Variants in ZNF704 observed in about 807,000 individuals in gnomAD.
The protein encoded by ZNF704 is glucocorticoid induced gene 1.
Under a neutral mutation model 44.7 loss-of-function variants are expected in ZNF704, and 10 were observed. That is an observed-to-expected ratio of 0.22 (90% CI 0.14 to 0.38). ZNF704 has a LOEUF of 0.38. Ranked by LOEUF, ZNF704 falls within the 10% of genes least tolerant of loss-of-function variation. The probability of loss-of-function intolerance (pLI) is 1.00; values close to 1 mark genes in which losing one functional copy is unlikely to be tolerated. For synonymous variants in ZNF704, 211 were observed against 207.6 expected (o/e 1.02, Z -0.14); for missense variants, 390 against 545.5 (o/e 0.71, Z 2.84).
At chr8:80,645,239 A>G (rs1817811223) in intron 7 of ZNF704, 1 of 1,435,288 alleles carries the variant, frequency 7.0e-7, no homozygotes, top group Non-Finnish European at 9.6e-7. Flanking sequence ...GTTTCAACTA[A>G]TTAATCAGTA....
intron 2 of ZNF704, among the ~76,000 whole-genome samples, chr8:80,795,225 G>A (rs1375264387): frequency 6.6e-6 from 1 of 152,176 alleles, no homozygotes; most frequent in East Asian, 1.9e-4. Flanking sequence ...TTGGGTTTCT[G>A]AATGGAACCT....
intron 2 of ZNF704, among the ~76,000 whole-genome samples, chr8:80,753,405 T>C (rs1197221681): frequency 6.6e-6 from 1 of 152,068 alleles, no homozygotes; most frequent in Non-Finnish European, 1.5e-5. Context: ...GAGCCATCTC[T>C]TGGCAATGCA....
At chr8:80,742,251 T>C (rs73268624) in intron 2 of ZNF704, among the ~76,000 whole-genome samples, 2,356 of 152,308 alleles carry the variant, frequency 0.015, 56 homozygotes, top group African/African-American at 0.054. Context: ...ACCCCTCTTA[T>C]GGGGTAACCC....
At chr8:80,803,437 C>G (rs1198868700) in intron 2 of ZNF704, among the ~76,000 whole-genome samples, 2 of 152,068 alleles carry the variant, frequency 1.3e-5, no homozygotes, top group South Asian at 4.2e-4. Flanking sequence ...CAAACTATAC[C>G]TCAAGGCTAC....
At chr8:80,845,299 G>C (rs568648427) in intron 1 of ZNF704, among the ~76,000 whole-genome samples, 13 of 152,280 alleles carry the variant, frequency 8.5e-5, no homozygotes, top group African/African-American at 2.9e-4. Flanking sequence ...TCCTGCACTT[G>C]CACTTTGATT....
At chr8:80,878,985 T>C (rs576046343), upstream of ZNF704, among the ~76,000 whole-genome samples, 24 of 152,292 alleles carry the variant, frequency 1.6e-4, no homozygotes, top group South Asian at 5.0e-3. Context: ...GAACGCTGGA[T>C]TGAGATTCCA....
intron 1 of ZNF704, among the ~76,000 whole-genome samples, chr8:80,856,950 A>G (rs1350761182): frequency 1.3e-5 from 2 of 152,198 alleles, no homozygotes; most frequent in African/African-American, 4.8e-5. Flanking sequence ...TGGAGAACTG[A>G]CATCTTAACC....
At chr8:80,736,689 T>C (rs1020465284) in intron 2 of ZNF704, among the ~76,000 whole-genome samples, 3 of 152,146 alleles carry the variant, frequency 2.0e-5, no homozygotes, top group African/African-American at 7.2e-5. Flanking sequence ...CTTTGGGGAC[T>C]CAGGGGAAAT....
intron 2 of ZNF704, among the ~76,000 whole-genome samples, chr8:80,772,425 T>C (rs955707338): frequency 6.6e-6 from 1 of 152,032 alleles, no homozygotes; most frequent in African/African-American, 2.4e-5. Flanking sequence ...ACAGGAAGCA[T>C]TGCTGGGGAG....
rs186215169 is a variant in ZNF704, at chr8:80,713,462, G to A, written c.222-20355C>T. On this transcript the variant is annotated intron_variant, in intron 2 of 8. Transcript: ENST00000327835. ...GTTCAGCTGGTCATTCCACTAAGTT[G>A]GGAACTTTAGGATGTGGAGTCTGAT... Among the ~76,000 whole-genome samples, 60 of 152,194 alleles carry A rather than the reference G, an allele frequency of 3.9e-4. No homozygotes were observed. The Middle Eastern group carries it at 0.01, about 26-fold the overall frequency.
chr8:80,727,511 G>A (rs745693777), intron 2 of ZNF704, among the ~76,000 whole-genome samples: 23 of 151,806 alleles, frequency 1.5e-4, no homozygotes, highest in Non-Finnish European at 3.1e-4. Flanking sequence ...TCTGATGCCT[G>A]GTTATATTTT....
At chr8:80,667,548 T>A (rs1452768504) in intron 5 of ZNF704, among the ~76,000 whole-genome samples, 1 of 152,230 alleles carries the variant, frequency 6.6e-6, no homozygotes, top group African/African-American at 2.4e-5. Flanking sequence ...GTTTTGTTAA[T>A]CACTGGCTAC....
intron 1 of ZNF704, among the ~76,000 whole-genome samples, chr8:80,833,074 GCGGTGGCT>G (rs1163326565): frequency 6.6e-6 from 1 of 152,190 alleles, no homozygotes; most frequent in Non-Finnish European, 1.5e-5. Flanking sequence ...CTGGCCAGGC[GCGGTGGCT>G]CATGCCTGTA....
At chr8:80,781,154 T>G (rs1048482798) in intron 2 of ZNF704, among the ~76,000 whole-genome samples, 1 of 152,206 alleles carries the variant, frequency 6.6e-6, no homozygotes, top group Admixed American at 6.5e-5. Context: ...TTGCTTAAAA[T>G]GTACATTCTT....
At chr8:80,654,962 C>G (rs1563506816) in intron 7 of ZNF704, among the ~76,000 whole-genome samples, 1 of 152,092 alleles carries the variant, frequency 6.6e-6, no homozygotes, top group Non-Finnish European at 1.5e-5. Flanking sequence ...CAATGAAAGA[C>G]TGGATTAAGA....
intron 2 of ZNF704, among the ~76,000 whole-genome samples, chr8:80,790,680 A>G (rs988769993): frequency 6.6e-6 from 1 of 152,174 alleles, no homozygotes; most frequent in Admixed American, 6.5e-5. Flanking sequence ...GGTGGGTGGC[A>G]GAGGTCCCGG....
At chr8:80,779,613 G>A (rs1019622247) in intron 2 of ZNF704, among the ~76,000 whole-genome samples, 4 of 152,028 alleles carry the variant, frequency 2.6e-5, no homozygotes, top group Non-Finnish European at 2.9e-5. Context: ...AAAATAGTAT[G>A]TATTTCTTTT....
chr8:80,791,101 T>C (rs1227617836), intron 2 of ZNF704, among the ~76,000 whole-genome samples: 1 of 152,084 alleles, frequency 6.6e-6, no homozygotes, highest in Non-Finnish European at 1.5e-5. Context: ...ATGCATGAAA[T>C]CCTTACAGCT....
chr8:80,820,909 T>A (rs1167183486), intron 2 of ZNF704, among the ~76,000 whole-genome samples: 1 of 151,386 alleles, frequency 6.6e-6, no homozygotes, highest in Non-Finnish European at 1.5e-5. Flanking sequence ...CTATCTCTAT[T>A]TGGAAAAAAA....
Sources: gnomAD v4.1 joint callset for allele counts (sites outside exome capture counted in the v4.1 genomes callset) on GRCh38, gnomAD v4.1.1 for gene constraint, MANE v1.5 for transcripts, NCBI Gene and HGNC (gene_info 2026-07-23, HGNC 2026-07-21) for gene names.